Variants in KIF26B observed in about 807,000 individuals in gnomAD.
KIF26B encodes kinesin family member 26B, also known as kinesin-like protein KIF26B.
In KIF26B, 63 loss-of-function variants were observed where a neutral mutation model predicts 151.2. That is an observed-to-expected ratio of 0.42 (90% confidence interval 0.34 to 0.51). KIF26B has a LOEUF of 0.51. KIF26B is among the 20% of genes least tolerant of loss of function. The pLI is 0.07. For synonymous variants in KIF26B, 1,357 were observed against 1,262.1 expected, an observed-to-expected ratio of 1.08 and a Z score of -1.59; for missense variants, 2,813 against 2,913.6, an observed-to-expected ratio of 0.97 and a Z score of 0.79.
chr1:245,285,295 G>A (rs1671145813), intron 2 of KIF26B, among the ~76,000 whole-genome samples: 1 of 152,186 alleles, frequency 6.6e-6, no homozygotes, highest in South Asian at 2.1e-4. Context: ...GCCTCCTAAG[G>A]TCTAGACCTG....
intron 6 of KIF26B, among the ~76,000 whole-genome samples, chr1:245,605,874 G>C (rs926327488): frequency 6.6e-6 from 1 of 152,146 alleles, no homozygotes; most frequent in Non-Finnish European, 1.5e-5. Context: ...CTGCACGGGT[G>C]ACTCAGTGTG....
At chr1:245,305,282 G>A (rs886358652) in intron 2 of KIF26B, among the ~76,000 whole-genome samples, 6 of 152,012 alleles carry the variant, frequency 3.9e-5, no homozygotes, top group African/African-American at 1.2e-4. Context: ...GTTGCAAATG[G>A]TACCATCCAG....
chr1:245,321,151 C>A (rs1671880433), intron 2 of KIF26B, among the ~76,000 whole-genome samples: 1 of 151,076 alleles, frequency 6.6e-6, no homozygotes, highest in Admixed American at 6.6e-5. Context: ...TCTCTCTATT[C>A]ATCCTTCCCA....
chr1:245,461,142 G>A (rs1480239119), intron 4 of KIF26B, among the ~76,000 whole-genome samples: 4 of 152,148 alleles, frequency 2.6e-5, no homozygotes, highest in Non-Finnish European at 5.9e-5. Context: ...CCCTCTGGAG[G>A]TGAAGCAGTC....
chr1:245,423,607 A>G lies in KIF26B; in HGVS notation c.1166+3862A>G, dbSNP rs377160582. The stretch of plus-strand genomic sequence containing the variant: ...AACAAAAACAACAGAAAAACCCCCA[A>G]TTTGTTGAAGATTTGAAGCAGGAAG... On this transcript the variant is annotated intron_variant, in intron 4 of 14. Transcript: ENST00000407071. Among the ~76,000 whole-genome samples, 29 of 152,190 alleles carry G rather than the reference A, an allele frequency of 1.9e-4. No individual in the cohort carries two copies. In the East Asian group the frequency reaches 5.2e-3, roughly 27 times the overall value.
intron 9 of KIF26B, among the ~76,000 whole-genome samples, chr1:245,637,618 T>G (rs1000184257): frequency 6.6e-5 from 10 of 151,992 alleles, no homozygotes; most frequent in Non-Finnish European, 2.9e-5. Context: ...CAGTGTTTTC[T>G]CCCAGCAGTT....
In KIF26B at chr1:245,687,297, G is replaced by A. The variant is rs767933317; in HGVS notation, c.4314G>A (p.Glu1438=). Residue 1438 remains glutamate (E), a synonymous_variant, in exon 12 of 15, where the codon GAG becomes GAA. Transcript: ENST00000407071. This position sits in a 1 kb window ranked among gnomAD's most constrained non-coding sequence, Gnocchi z 4.9. ...GTGCAAAGAAAGAGATGAAATTTGA[G>A]GACCCGTGGCTGAAACGAGAAGAGG... is the stretch of plus-strand genomic sequence containing the variant. ...ENSAKKEMKF[E]DPWLKREEEV... is the part of the protein sequence containing the mutation. 7 of 1,607,408 alleles carry A rather than the reference G, an allele frequency of 4.4e-6. No homozygotes were observed. In the Admixed American group the frequency reaches 1.0e-4, roughly 23 times the overall value.
chr1:245,428,666 C>T (rs1199816650), intron 4 of KIF26B, among the ~76,000 whole-genome samples: 1 of 152,140 alleles, frequency 6.6e-6, no homozygotes, highest in Non-Finnish European at 1.5e-5. Context: ...AGAAAATGAC[C>T]AGCGTTTGCG....
At chr1:245,169,786 T>A (rs1319934378) in intron 2 of KIF26B, among the ~76,000 whole-genome samples, 1 of 152,062 alleles carries the variant, frequency 6.6e-6, no homozygotes, top group East Asian at 1.9e-4. Context: ...TTATTAGGGA[T>A]CCTCCATAAT....
At chr1:245,566,111 G>A (rs2043007917) in intron 5 of KIF26B, among the ~76,000 whole-genome samples, 1 of 152,208 alleles carries the variant, frequency 6.6e-6, no homozygotes, top group African/African-American at 2.4e-5. Flanking sequence ...CTCCCAGCAG[G>A]CCCCACCTCC....
chr1:245,677,445 C>A (rs2044370519), intron 10 of KIF26B, among the ~76,000 whole-genome samples: 1 of 152,260 alleles, frequency 6.6e-6, no homozygotes, highest in African/African-American at 2.4e-5. Context: ...GACAGACCTG[C>A]TTATGCCATT....
chr1:245,337,124 C>G (rs992493691), intron 2 of KIF26B, among the ~76,000 whole-genome samples: 53 of 150,970 alleles, frequency 3.5e-4, no homozygotes, highest in African/African-American at 1.3e-3. Flanking sequence ...ATGTGGAGAG[C>G]ATTTAGAAGT....
Position 245,318,734 on chromosome 1 carries a change from T to A in KIF26B, c.466-48100T>A, listed in dbSNP as rs1222869734. On this transcript the variant is annotated intron_variant, in intron 2 of 14. Transcript: ENST00000407071. This position sits in a 1 kb window ranked among gnomAD's most constrained non-coding sequence, Gnocchi z 4.0. Reference sequence around the variant, plus strand: ...CTGTACATAACTCAATTCCCCAGGCTGCTGTGTGTCCGTCATCCCTGAAAT... The same window carrying A: ...CTGTACATAACTCAATTCCCCAGGCAGCTGTGTGTCCGTCATCCCTGAAAT... Among the ~76,000 whole-genome samples, 1 of 152,134 alleles carries A rather than the reference T, an allele frequency of 6.6e-6. No individual in the cohort carries two copies. Among genetic ancestry groups the A allele is most frequent in the Non-Finnish European group, 1.5e-5 (1 of 68,032 alleles).
chr1:245,471,125 G>GTATATATATA (rs1350615793), intron 4 of KIF26B, among the ~76,000 whole-genome samples: 6 of 144,856 alleles, frequency 4.1e-5, no homozygotes, highest in Non-Finnish European at 9.3e-5. Flanking sequence ...ATGTGTGTGT[G>GTATATATATA]TGTGTGTATA....
intron 2 of KIF26B, among the ~76,000 whole-genome samples, chr1:245,253,190 G>C (rs1408443599): frequency 6.6e-6 from 1 of 151,614 alleles, no homozygotes; most frequent in East Asian, 1.9e-4. Context: ...TGTATTTTTA[G>C]TAGAGATGGG....
In KIF26B at chr1:245,155,350, A is replaced by G; in HGVS notation, c.-75A>G. 2 of 1,242,340 alleles carry G rather than the reference A, an allele frequency of 1.6e-6. No individual in the cohort carries two copies. Among genetic ancestry groups the G allele is most frequent in the South Asian group, 1.3e-5 (1 of 76,996 alleles). 77.0% of individuals were successfully genotyped at this position (1,242,340 alleles called of 1,614,324 possible). A position where few individuals can be genotyped will look rare whatever the true frequency, so the allele number is the denominator to read the frequency against. On this transcript the variant is annotated 5_prime_UTR_variant, in exon 1 of 15. Coordinates refer to ENST00000407071, the MANE Select transcript of KIF26B (RefSeq NM_018012.4). ...AGAGCCAGCCCCCTGCAGCCGGGGG[A>G]CGCTTCTGGGTTGGAGGACCTTCTG...
intron 2 of KIF26B, among the ~76,000 whole-genome samples, chr1:245,355,587 C>T (rs1672674948): frequency 7.0e-6 from 1 of 143,014 alleles, no homozygotes; most frequent in Non-Finnish European, 1.5e-5. Flanking sequence ...CACAGTGAGA[C>T]CCTGTCTCAA....
At chr1:245,345,351 G>A (rs1266175609) in intron 2 of KIF26B, among the ~76,000 whole-genome samples, 1 of 152,118 alleles carries the variant, frequency 6.6e-6, no homozygotes, top group African/African-American at 2.4e-5. Flanking sequence ...GGAAACATCA[G>A]ATCTAACCAC....
At chr1:245,171,863 G>T (rs564465976) in intron 2 of KIF26B, among the ~76,000 whole-genome samples, 1 of 152,198 alleles carries the variant, frequency 6.6e-6, no homozygotes, top group East Asian at 1.9e-4. Flanking sequence ...TGGTTTCCTC[G>T]CTTGCACGAT....
Sources: gnomAD v4.1 joint callset for allele counts (sites outside exome capture counted in the v4.1 genomes callset) on GRCh38, gnomAD v4.1.1 for gene constraint, Gnocchi (gnomAD v3.1) non-coding constraint, MANE v1.5 for transcripts, NCBI Gene and HGNC (gene_info 2026-07-23, HGNC 2026-07-21) for gene names.